Variants in THADA observed in about 807,000 individuals in gnomAD.
THADA encodes tRNA (32-2'-O)-methyltransferase regulator THADA.
A neutral mutation model predicts 219.8 loss-of-function variants in THADA; 213 were observed. The ratio of observed to expected loss-of-function variants is 0.97; its 90% CI spans 0.87 to 1.09. The LOEUF is 1.09. Ranked by LOEUF, THADA falls within the 50% of genes least tolerant of loss-of-function variation. THADA has a pLI of 0.00. For synonymous variants in THADA, 1,018 were observed against 828.9 expected (o/e 1.23, Z -3.92); for missense variants, 2,956 against 2,311.3 (o/e 1.28, Z -5.72).
intron 29 of THADA, among the ~76,000 whole-genome samples, chr2:43,357,727 C>T (rs1397221542): frequency 2.0e-5 from 3 of 152,082 alleles, no homozygotes; most frequent in Admixed American, 2.0e-4. Context: ...TTTATATAGA[C>T]TCAACTGGAA....
At chr2:43,324,422 T>C (rs541663627) in intron 30 of THADA, among the ~76,000 whole-genome samples, 1 of 152,246 alleles carries the variant, frequency 6.6e-6, no homozygotes, top group East Asian at 1.9e-4. Flanking sequence ...ATGCTGCTGC[T>C]TTGGATTCCA....
chr2:43,245,243 G>T (rs1277333541), intron 36 of THADA, among the ~76,000 whole-genome samples: 1 of 142,770 alleles, frequency 7.0e-6, no homozygotes, highest in African/African-American at 2.7e-5. Flanking sequence ...TGTGATCTCG[G>T]CTCACTGCAA....
chr2:43,557,822 G>C (rs376038278), intron 16 of THADA, among the ~76,000 whole-genome samples: 1 of 152,130 alleles, frequency 6.6e-6, no homozygotes, highest in Non-Finnish European at 1.5e-5. Context: ...GTTGATTATA[G>C]GTCTACAAAT....
At chr2:43,366,518 A>C (rs762714917) in intron 29 of THADA, among the ~76,000 whole-genome samples, 3 of 152,200 alleles carry the variant, frequency 2.0e-5, no homozygotes, top group Non-Finnish European at 4.4e-5. Flanking sequence ...AAAAGGATCG[A>C]GATATGAAGG....
At chr2:43,291,047 C>A (rs1468216398) in intron 34 of THADA, among the ~76,000 whole-genome samples, 1 of 151,866 alleles carries the variant, frequency 6.6e-6, no homozygotes, top group Non-Finnish European at 1.5e-5. Flanking sequence ...CATGCTTACT[C>A]CTCTTTAAAT....
intron 7 of THADA, among the ~76,000 whole-genome samples, chr2:43,583,424 G>A (rs899103082): frequency 1.3e-5 from 2 of 152,074 alleles, no homozygotes; most frequent in Non-Finnish European, 2.9e-5. Context: ...CTGGTCTCTC[G>A]CAGCTTCTGT....
chr2:43,359,746 A>G (rs1339420007), intron 29 of THADA, among the ~76,000 whole-genome samples: 8 of 152,120 alleles, frequency 5.3e-5, no homozygotes, highest in Non-Finnish European at 1.0e-4. Context: ...TGATCTGACA[A>G]TAAACTCTGG....
chr2:43,260,587 T>C (rs78941274), intron 36 of THADA, among the ~76,000 whole-genome samples: 2 of 152,328 alleles, frequency 1.3e-5, no homozygotes, highest in East Asian at 3.9e-4. Flanking sequence ...GAAATCTTGA[T>C]TGTGTTTTCC....
chr2:43,364,439 C>T (rs923087121), intron 29 of THADA, among the ~76,000 whole-genome samples: 1 of 152,116 alleles, frequency 6.6e-6, no homozygotes, highest in African/African-American at 2.4e-5. Flanking sequence ...GTCCTGCATG[C>T]TACAGGATGT....
chr2:43,587,044 G>A, intron 4 of THADA, 42 bp from the exon 5 acceptor site: 2 of 1,573,586 alleles, frequency 1.3e-6, no homozygotes, highest in Non-Finnish European at 1.7e-6. Context: ...CAATCTAATA[G>A]CCCCAGAATA....
At chr2:43,480,855 C>T (rs1050232630) in intron 26 of THADA, among the ~76,000 whole-genome samples, 5 of 151,826 alleles carry the variant, frequency 3.3e-5, no homozygotes, top group South Asian at 2.1e-4. Flanking sequence ...AAAATTACCC[C>T]GGCCACAGTC....
At chr2:43,535,526 C>G (rs1158928925) in intron 21 of THADA, among the ~76,000 whole-genome samples, 1 of 150,970 alleles carries the variant, frequency 6.6e-6, no homozygotes, top group Non-Finnish European at 1.5e-5. Flanking sequence ...TAAAAAAATA[C>G]AAAAATTAGC....
In THADA at chr2:43,446,328, A is replaced by T. The variant is rs7559934; in HGVS notation, c.3837-16026T>A. ...AGTGGGTCTATTTCCCGTTTCCTTG[A>T]CTCTAGGATGCCTCATGACTTGCTT... On this transcript the variant is annotated intron_variant, in intron 26 of 37. Coordinates refer to ENST00000405975, the MANE Select transcript of THADA (RefSeq NM_022065.5). 8.1e-3 allele frequency among the ~76,000 whole-genome samples: 1,237 copies of T among 152,100 alleles called. 13 individuals carry two copies. The highest frequency in any genetic ancestry group is 0.029 in the African/African-American group (1,184 of 41,484).
chr2:43,295,918 GTTTT>G (rs35182242), intron 31 of THADA, among the ~76,000 whole-genome samples: 1 of 128,366 alleles, frequency 7.8e-6, no homozygotes, highest in African/African-American at 2.9e-5. Context: ...AACCTCTACT[GTTTT>G]TTTTTTTTTT....
chr2:43,563,384 T>A (rs1167980638), intron 15 of THADA: 1 of 152,210 alleles, frequency 6.6e-6, no homozygotes. Flanking sequence ...CTCTCCAGCC[T>A]CCTAGGTCTT....
chr2:43,334,386 A>AG (rs1440438480), intron 30 of THADA, among the ~76,000 whole-genome samples: 1 of 152,122 alleles, frequency 6.6e-6, no homozygotes, highest in Non-Finnish European at 1.5e-5. Context: ...AACTTGGGGT[A>AG]GCAAGTCATT....
At position 43,501,306 on chromosome 2, in the gene THADA, C is replaced by CAAAAAAAAAAA. The variant is rs1558864377; in HGVS notation, c.3622-2352_3622-2351insTTTTTTTTTTT. Reference sequence around the variant, plus strand: ...GGGCAACAAAAGCGAAACTCCAACTCCAAAAAAAAAAAAAAAAAAAAAAAA... The same window carrying CAAAAAAAAAAA: ...GGGCAACAAAAGCGAAACTCCAACTCAAAAAAAAAAACAAAAAAAAAAAAAAAAAAAAAAAA... On this transcript the variant is annotated intron_variant, in intron 24 of 37. Transcript: ENST00000405975. 2.0e-3 allele frequency among the ~76,000 whole-genome samples: 24 copies of CAAAAAAAAAAA among 12,274 alleles called. 2 individuals carry two copies. Among genetic ancestry groups the CAAAAAAAAAAA allele is most frequent in the African/African-American group, 6.3e-3 (23 of 3,664 alleles). The allele number at this position is 12,274 out of a possible 152,430, so 8.1% of individuals were successfully genotyped here. A position where few individuals can be genotyped will look rare whatever the true frequency, so the allele number is the denominator to read the frequency against.
At chr2:43,370,624 T>A (rs1314822348) in intron 29 of THADA, among the ~76,000 whole-genome samples, 1 of 152,034 alleles carries the variant, frequency 6.6e-6, no homozygotes, top group Non-Finnish European at 1.5e-5. Flanking sequence ...TCCAAAAAAA[T>A]AAAGTTAAGC....
chr2:43,258,774 T>C (rs1435723759), intron 36 of THADA, among the ~76,000 whole-genome samples: 4 of 152,142 alleles, frequency 2.6e-5, no homozygotes, highest in Non-Finnish European at 5.9e-5. Flanking sequence ...GGATAGAACT[T>C]GGCAACTGGA....
Sources: gnomAD v4.1 joint callset for allele counts (sites outside exome capture counted in the v4.1 genomes callset) on GRCh38, gnomAD v4.1.1 for gene constraint, MANE v1.5 for transcripts, NCBI Gene and HGNC (gene_info 2026-07-23, HGNC 2026-07-21) for gene names.